Variants in BLOC1S4 observed in about 807,000 individuals in gnomAD.
BLOC1S4 encodes the protein biogenesis of lysosomal organelles complex 1 subunit 4.
For synonymous variants in BLOC1S4, 179 were observed against 143.7 expected (o/e 1.25, Z -1.76); for missense variants, 332 against 308.8 (o/e 1.07, Z -0.56).
rs74457313 is a variant in BLOC1S4 at position 6,716,982 on chromosome 4, T to C, written c.*119T>C. The C allele has an allele frequency of 6.3e-3, 5,884 of 927,364 alleles. 252 individuals carry two copies. In the African/African-American group the frequency reaches 0.089, roughly 14 times the overall value. The allele number at this position is 927,364 out of a possible 1,614,324, so 57.4% of individuals were successfully genotyped here. On this transcript the variant is annotated 3_prime_UTR_variant, in exon 1 of 1. Transcript: ENST00000320776. Reference sequence around the variant, plus strand: ...TGGAGTGTGGGATTTTAAAGTTTACTTTCTACAAACTCTCCGTAGTATATT... The same window carrying C: ...TGGAGTGTGGGATTTTAAAGTTTACCTTCTACAAACTCTCCGTAGTATATT...
rs1714935358 is a variant in BLOC1S4, at chr4:6,717,187, C to G, written c.*324C>G. On this transcript the variant is annotated 3_prime_UTR_variant, in exon 1 of 1. Transcript: ENST00000320776. ...TGCACCCAGCCTGTGTCTTCCAGCT[C>G]TAATCAGAAAGCTGCTTGTCGAGGG... 1.9e-5 allele frequency: 4 copies of G among 215,980 alleles called. No homozygotes were observed. The highest frequency in any genetic ancestry group is 3.0e-5 in the Non-Finnish European group (3 of 99,856). The allele number at this position is 215,980 out of a possible 1,614,324, so 13.4% of individuals were successfully genotyped here. A position where few individuals can be genotyped will look rare whatever the true frequency, so the allele number is the denominator to read the frequency against.
rs1189343445 is a variant in BLOC1S4 at position 6,716,293 on chromosome 4, G to A, written c.84G>A (p.Gly28=). 1 of 1,233,228 alleles carries A rather than the reference G, an allele frequency of 8.1e-7. No individual in the cohort carries two copies. Among genetic ancestry groups the A allele is most frequent in the Non-Finnish European group, 1.0e-6 (1 of 988,508 alleles). 76.4% of individuals were successfully genotyped at this position (1,233,228 alleles called of 1,614,324 possible). A position where few individuals can be genotyped will look rare whatever the true frequency, so the allele number is the denominator to read the frequency against. ...AGCCGCAGGGCGCCGCCTGGAGCGG[G>A]GACAGTGGCACTGTTTCCCAGAGCC... ...EAEPQGAAWS[G]DSGTVSQSHS... Residue 28 remains glycine (G), a synonymous_variant, in exon 1 of 1, where the codon GGG becomes GGA. Transcript: ENST00000320776.
rs919556913 is a variant in BLOC1S4 at position 6,717,448 on chromosome 4, A to C, written c.*585A>C. 3.0e-5 allele frequency: 5 copies of C among 166,828 alleles called. No homozygotes were observed. Among genetic ancestry groups the C allele is most frequent in the Non-Finnish European group, 7.3e-5 (5 of 68,116 alleles). 10.3% of individuals were successfully genotyped at this position (166,828 alleles called of 1,614,324 possible). The stretch of plus-strand genomic sequence containing the variant: ...AAACCTCCTATAGCGTGGATTGTAG[A>C]CCAAAGGAAATGGTACAATTTCTGA... On this transcript the variant is annotated 3_prime_UTR_variant, in exon 1 of 1. Coordinates refer to ENST00000320776, the MANE Select transcript of BLOC1S4 (RefSeq NM_018366.3).
rs976681241 is a variant in BLOC1S4 at position 6,716,312 on chromosome 4, C to T, written c.103C>T (p.Gln35Ter). ...AWSGDSGTVS[Q>*]SHSSASGPWE... The stretch of plus-strand genomic sequence containing the variant: ...GAGCGGGGACAGTGGCACTGTTTCC[C>T]AGAGCCACAGCAGCGCCTCGGGGCC... Residue 35 changes from glutamine (Q) to a stop codon, truncating the protein, a stop_gained, in exon 1 of 1, where the codon CAG (glutamine) becomes TAG (stop). Coordinates refer to ENST00000320776, the MANE Select transcript of BLOC1S4 (RefSeq NM_018366.3). LOFTEE classifies it low-confidence loss of function (END_TRUNC). The T allele has an allele frequency of 3.2e-6, 4 of 1,233,668 alleles. No homozygotes were observed. The highest frequency in any genetic ancestry group is 4.0e-6 in the Non-Finnish European group (4 of 989,618). The allele number at this position is 1,233,668 out of a possible 1,614,324, so 76.4% of individuals were successfully genotyped here.
chr4:6,716,743 C>T lies in BLOC1S4; in HGVS notation c.534C>T (p.Asn178=), dbSNP rs1306243546. 4 of 1,613,800 alleles carry T rather than the reference C, an allele frequency of 2.5e-6. No individual in the cohort carries two copies. The highest frequency in any genetic ancestry group is 1.1e-5 in the South Asian group (1 of 91,080). ...TCAAGAAGCTCCTGCACACGATGAACGTGCCCTCGCTCTTTAGCAAGTCTG... is the reference window on the plus strand; with the variant it reads ...TCAAGAAGCTCCTGCACACGATGAATGTGCCCTCGCTCTTTAGCAAGTCTG... ...RAFKKLLHTM[N]VPSLFSKSAP... The change falls in exon 1 of 1, where the codon AAC becomes AAT. Residue 178 remains asparagine, a synonymous_variant. Coordinates refer to ENST00000320776, the MANE Select transcript of BLOC1S4 (RefSeq NM_018366.3).
rs191265034 is a variant in BLOC1S4, at chr4:6,716,983, T to G, written c.*120T>G. 14 of 874,644 alleles carry G rather than the reference T, an allele frequency of 1.6e-5. No homozygotes were observed. Among genetic ancestry groups the G allele is most frequent in the Non-Finnish European group, 2.4e-5 (14 of 574,396 alleles). The allele number at this position is 874,644 out of a possible 1,614,324, so 54.2% of individuals were successfully genotyped here. ...GGAGTGTGGGATTTTAAAGTTTACT[T>G]TCTACAAACTCTCCGTAGTATATTC... On this transcript the variant is annotated 3_prime_UTR_variant, in exon 1 of 1. Coordinates refer to ENST00000320776, the MANE Select transcript of BLOC1S4 (RefSeq NM_018366.3).
rs1714889624 is a variant in BLOC1S4 at position 6,716,199 on chromosome 4, G to A, written c.-11G>A. On this transcript the variant is annotated 5_prime_UTR_variant, in exon 1 of 1. Coordinates refer to ENST00000320776, the MANE Select transcript of BLOC1S4 (RefSeq NM_018366.3). ...GGAAGCGAGCGCTGCGCAGTCGGGT[G>A]GTCGCGGGCCATGGAGGGTAGCTTT... is the stretch of plus-strand genomic sequence containing the variant. 2 of 1,232,562 alleles carry A rather than the reference G, an allele frequency of 1.6e-6. No homozygotes were observed. The highest frequency in any genetic ancestry group is 2.0e-6 in the Non-Finnish European group (2 of 986,770). 76.4% of individuals were successfully genotyped at this position (1,232,562 alleles called of 1,614,324 possible).
chr4:6,716,226 C>A lies in BLOC1S4; in HGVS notation c.17C>A (p.Ser6Ter), dbSNP rs1355671738. 1.6e-6 allele frequency: 2 copies of A among 1,234,356 alleles called. No homozygotes were observed. Among genetic ancestry groups the A allele is most frequent in the South Asian group, 8.2e-5 (2 of 24,352 alleles). 76.5% of individuals were successfully genotyped at this position (1,234,356 alleles called of 1,614,324 possible). The change falls in exon 1 of 1, where the codon TCG becomes TAG. Residue 6 changes from serine to a stop codon, truncating the protein, a stop_gained. Coordinates refer to ENST00000320776, the MANE Select transcript of BLOC1S4 (RefSeq NM_018366.3). LOFTEE classifies it low-confidence loss of function (END_TRUNC). Reference sequence around the variant, plus strand: ...TCGCGGGCCATGGAGGGTAGCTTTTCGGATGGCGGAGCGCTGCCGGAGGGG... The same window carrying A: ...TCGCGGGCCATGGAGGGTAGCTTTTAGGATGGCGGAGCGCTGCCGGAGGGG... MEGSF[S>*]DGGALPEGLA...
rs1485676678 is a variant in BLOC1S4, at chr4:6,716,412, A to G, written c.203A>G (p.Tyr68Cys). Residue 68 changes from tyrosine (Y) to cysteine (C), a missense_variant, in exon 1 of 1, where the codon TAC becomes TGC. Coordinates refer to ENST00000320776, the MANE Select transcript of BLOC1S4 (RefSeq NM_018366.3). ...CTGCTTCGCCGCGCCGCTGCGGGCT[A>G]CGCCGCCTGCCTGCTGCCCGGGGCC... The part of the protein sequence containing the change: ...LPLLRRAAAG[Y>C]AACLLPGAGA... 2.1e-6 allele frequency: 3 copies of G among 1,452,814 alleles called. No homozygotes were observed. Among genetic ancestry groups the G allele is most frequent in the African/African-American group, 2.9e-5 (2 of 68,452 alleles). 90.0% of individuals were successfully genotyped at this position (1,452,814 alleles called of 1,614,324 possible). A position where few individuals can be genotyped will look rare whatever the true frequency, so the allele number is the denominator to read the frequency against.
chr4:6,716,857 G>T lies in BLOC1S4; in HGVS notation c.648G>T (p.Gln216His), dbSNP rs1553815933. The change falls in exon 1 of 1, where the codon CAG becomes CAT. Residue 216 changes from glutamine (Q) to histidine (H), a missense_variant. Transcript: ENST00000320776. ...DYFPCCSERP[Q>H]L Reference sequence around the variant, plus strand: ...TCCCTTGTTGCAGTGAAAGGCCTCAGCTCTGACGGCCTGACCACTGCGGCA... The same window carrying T: ...TCCCTTGTTGCAGTGAAAGGCCTCATCTCTGACGGCCTGACCACTGCGGCA... The T allele has an allele frequency of 9.4e-6, 15 of 1,595,384 alleles. 1 individual carries two copies. The South Asian group carries it at 1.7e-4, about 18-fold the overall frequency.
In BLOC1S4 at chr4:6,716,728, C is replaced by T; in HGVS notation, c.519C>T (p.Leu173=). 1.9e-6 allele frequency: 3 copies of T among 1,613,672 alleles called. No homozygotes were observed. The highest frequency in any genetic ancestry group is 1.7e-6 in the Non-Finnish European group (2 of 1,179,910). Residue 173 remains leucine, a synonymous_variant, in exon 1 of 1, where the codon CTC becomes CTT. Coordinates refer to ENST00000320776, the MANE Select transcript of BLOC1S4 (RefSeq NM_018366.3). ...CCTTCCCCAGGGCGTTCAAGAAGCT[C>T]CTGCACACGATGAACGTGCCCTCGC... The part of the protein sequence containing the change: ...LGTFPRAFKK[L]LHTMNVPSLF...
Position 6,716,409 on chromosome 4 carries a change from G to A in BLOC1S4, c.200G>A (p.Gly67Asp), listed in dbSNP as rs765364191. ...CCGCTGCTTCGCCGCGCCGCTGCGG[G>A]CTACGCCGCCTGCCTGCTGCCCGGG... Reference protein sequence around the residue: ...DLPLLRRAAAGYAACLLPGAG... With the variant: ...DLPLLRRAAADYAACLLPGAG... Residue 67 changes from glycine (G) to aspartate (D), a missense_variant, in exon 1 of 1, where the codon GGC becomes GAC. Physicochemically the swap from Gly to Asp is moderately conservative, Grantham distance 94. Coordinates refer to ENST00000320776, the MANE Select transcript of BLOC1S4 (RefSeq NM_018366.3). The A allele has an allele frequency of 2.8e-6, 4 of 1,445,230 alleles. No homozygotes were observed. The highest frequency in any genetic ancestry group is 2.7e-6 in the Non-Finnish European group (3 of 1,098,634). The allele number at this position is 1,445,230 out of a possible 1,614,324, so 89.5% of individuals were successfully genotyped here.
At position 6,716,181 on chromosome 4, in the gene BLOC1S4, A is replaced by G; in HGVS notation, c.-29A>G. 8.1e-7 allele frequency: 1 copy of G among 1,230,864 alleles called. No individual in the cohort carries two copies. The highest frequency in any genetic ancestry group is 1.0e-6 in the Non-Finnish European group (1 of 986,150). 76.2% of individuals were successfully genotyped at this position (1,230,864 alleles called of 1,614,324 possible). ...CGTGAGCGCGCGGAGGCCGGAAGCG[A>G]GCGCTGCGCAGTCGGGTGGTCGCGG... On this transcript the variant is annotated 5_prime_UTR_variant, in exon 1 of 1. Coordinates refer to ENST00000320776, the MANE Select transcript of BLOC1S4 (RefSeq NM_018366.3).
Position 6,717,047 on chromosome 4 carries a change from A to G in BLOC1S4, c.*184A>G, listed in dbSNP as rs1372251168. Reference sequence around the variant, plus strand: ...GAATGTATAGACTTTATGTCTTCCAAGTTTAAAAAAAGAGACAGGGTCTTG... The same window carrying G: ...GAATGTATAGACTTTATGTCTTCCAGGTTTAAAAAAAGAGACAGGGTCTTG... On this transcript the variant is annotated 3_prime_UTR_variant, in exon 1 of 1. Coordinates refer to ENST00000320776, the MANE Select transcript of BLOC1S4 (RefSeq NM_018366.3). The G allele has an allele frequency of 6.4e-6, 4 of 620,572 alleles. No individual in the cohort carries two copies. Among genetic ancestry groups the G allele is most frequent in the Non-Finnish European group, 1.1e-5 (4 of 367,284 alleles). 38.4% of individuals were successfully genotyped at this position (620,572 alleles called of 1,614,324 possible).
In BLOC1S4 at chr4:6,717,330, A is replaced by C. The variant is rs896743119; in HGVS notation, c.*467A>C. 6.0e-6 allele frequency: 1 copy of C among 166,436 alleles called. No homozygotes were observed. Among genetic ancestry groups the C allele is most frequent in the African/African-American group, 2.4e-5 (1 of 41,284 alleles). 10.3% of individuals were successfully genotyped at this position (166,436 alleles called of 1,614,324 possible). On this transcript the variant is annotated 3_prime_UTR_variant, in exon 1 of 1. Coordinates refer to ENST00000320776, the MANE Select transcript of BLOC1S4 (RefSeq NM_018366.3). ...TTATATGTTTGTATAATCATAAGAA[A>C]ATTGAGCCATTAAAGCCTTGTTATT...
chr4:6,717,556 CAT>C lies in BLOC1S4; in HGVS notation c.*696_*697del, dbSNP rs569224596. On this transcript the variant is annotated 3_prime_UTR_variant, in exon 1 of 1. Transcript: ENST00000320776. ...ACAGTCTTCATTTGTCCATAGCAAA[CAT>C]ATGTGTGTGTGTGTGTATATATATA... is the stretch of plus-strand genomic sequence containing the variant. The C allele has an allele frequency of 2.0e-4, 34 of 166,076 alleles. No individual in the cohort carries two copies. Among genetic ancestry groups the C allele is most frequent in the East Asian group, 1.9e-3 (10 of 5,192 alleles). The allele number at this position is 166,076 out of a possible 1,614,324, so 10.3% of individuals were successfully genotyped here. A position where few individuals can be genotyped will look rare whatever the true frequency, so the allele number is the denominator to read the frequency against.
At position 6,716,292 on chromosome 4, in the gene BLOC1S4, G is replaced by A; in HGVS notation, c.83G>A (p.Gly28Glu). ...GAGCCGCAGGGCGCCGCCTGGAGCGGGGACAGTGGCACTGTTTCCCAGAGC... is the reference window on the plus strand; with the variant it reads ...GAGCCGCAGGGCGCCGCCTGGAGCGAGGACAGTGGCACTGTTTCCCAGAGC... Reference protein sequence around the residue: ...EAEPQGAAWSGDSGTVSQSHS... With the variant: ...EAEPQGAAWSEDSGTVSQSHS... Residue 28 changes from glycine to glutamate, a missense_variant, in exon 1 of 1, where the codon GGG (glycine) becomes GAG (glutamate). By Grantham distance (98) the Gly-to-Glu change is moderately conservative. Coordinates refer to ENST00000320776, the MANE Select transcript of BLOC1S4 (RefSeq NM_018366.3). The A allele has an allele frequency of 8.1e-7, 1 of 1,233,214 alleles. No individual in the cohort carries two copies. 76.4% of individuals were successfully genotyped at this position (1,233,214 alleles called of 1,614,324 possible). A position where few individuals can be genotyped will look rare whatever the true frequency, so the allele number is the denominator to read the frequency against.
Position 6,716,908 on chromosome 4 carries a change from C to T in BLOC1S4, c.*45C>T, listed in dbSNP as rs1180230087. On this transcript the variant is annotated 3_prime_UTR_variant, in exon 1 of 1. Transcript: ENST00000320776. ...AGAGGACCCCAGCTGGGGTGCTTAC[C>T]TCCAGTATGAAGTGAATTGCAAATC... 3 of 1,495,442 alleles carry T rather than the reference C, an allele frequency of 2.0e-6. No individual in the cohort carries two copies. Among genetic ancestry groups the T allele is most frequent in the South Asian group, 2.6e-5 (2 of 77,688 alleles). 92.6% of individuals were successfully genotyped at this position (1,495,442 alleles called of 1,614,324 possible).
Position 6,716,654 on chromosome 4 carries a change from G to A in BLOC1S4, c.445G>A (p.Val149Met), listed in dbSNP as rs918494759. ...EAFVRMVGGR[V>M]ARMEEQVTKA... ...CTTCGTGAGGATGGTGGGGGGCCGC[G>A]TGGCCAGGATGGAGGAGCAGGTCAC... The change falls in exon 1 of 1, where the codon GTG (valine) becomes ATG (methionine). Residue 149 changes from valine (V) to methionine (M), a missense_variant. Val to Met is a conservative substitution (Grantham distance 21, BLOSUM62 1). Coordinates refer to ENST00000320776, the MANE Select transcript of BLOC1S4 (RefSeq NM_018366.3). 6.2e-7 allele frequency: 1 copy of A among 1,610,208 alleles called. No homozygotes were observed. The highest frequency in any genetic ancestry group is 1.3e-5 in the African/African-American group (1 of 75,068).
Sources: allele counts gnomAD v4.1 joint callset, GRCh38; gene constraint gnomAD v4.1.1; transcripts MANE v1.5; gene names NCBI Gene and HGNC (gene_info 2026-07-23, HGNC 2026-07-21).